AKAP17A: variants seen among roughly 807,000 people sequenced by gnomAD.
AKAP17A encodes the protein A-kinase anchoring protein 17A, also known as A-kinase anchor protein 17A.
AKAP17A carries 15 observed loss-of-function variants against 52.2 expected under a neutral mutation model. The observed-to-expected ratio is 0.29, with a 90% confidence interval of 0.19 to 0.44. The LOEUF is 0.44. Ranked by LOEUF, AKAP17A falls within the 20% of genes least tolerant of loss-of-function variation. The pLI, the probability that AKAP17A is intolerant of heterozygous loss-of-function variation, is 1.00. For synonymous variants in AKAP17A, 514 were observed against 424.7 expected (o/e 1.21, Z -2.58); for missense variants, 1,060 against 1,007.0 (o/e 1.05, Z -0.71).
In AKAP17A at chrX:1,593,938, T is replaced by C. The variant is rs1932887849; in HGVS notation, c.476T>C (p.Phe159Ser). The change falls in exon 2 of 5, where the codon TTC (phenylalanine) becomes TCC (serine). Residue 159 changes from phenylalanine to serine, a missense_variant. Transcript: ENST00000313871. ...IHLEGLPCKW[F>S]ALKESGSEKP... ...CTGGAGGGGCTGCCCTGCAAGTGGT[T>C]CGCCCTGAAGGAGTCGGGCTCCGAG... 6.2e-7 allele frequency: 1 copy of C among 1,609,804 alleles called. No homozygotes were observed. Among genetic ancestry groups the C allele is most frequent in the Admixed American group, 1.7e-5 (1 of 59,688 alleles).
rs1234507895 is a variant in AKAP17A at position 1,596,236 on chromosome X, A to AC, written c.911+704_911+705insC. ...GGTGATGGCCAGATTTAAAAAAAAAAAAAAAAACAAAAAACCAATGATAGG... is the reference window on the plus strand; with the variant it reads ...GGTGATGGCCAGATTTAAAAAAAAAACAAAAAAACAAAAAACCAATGATAGG... On this transcript the variant is annotated intron_variant, in intron 3 of 4. Transcript: ENST00000313871. Among the ~76,000 whole-genome samples, 100 of 142,612 alleles carry AC rather than the reference A, an allele frequency of 7.0e-4. No individual in the cohort carries two copies. The Middle Eastern group carries it at 0.031, about 44-fold the overall frequency. The allele number at this position is 142,612 out of a possible 152,430, so 93.6% of individuals were successfully genotyped here.
At chrX:1,598,105 C>T (rs1455520446) in intron 3 of AKAP17A, among the ~76,000 whole-genome samples, 1 of 152,308 alleles carries the variant, frequency 6.6e-6, no homozygotes, top group Non-Finnish European at 1.5e-5. Context: ...CTGAAAGCTG[C>T]CCAGCCTCGA....
chrX:1,601,248 G>C lies in AKAP17A; in HGVS notation c.1742G>C (p.Arg581Pro), dbSNP rs771071323. 5 of 1,613,688 alleles carry C rather than the reference G, an allele frequency of 3.1e-6. No individual in the cohort carries two copies. The highest frequency in any genetic ancestry group is 4.2e-6 in the Non-Finnish European group (5 of 1,179,720). The change falls in exon 5 of 5, where the codon CGG (arginine) becomes CCG (proline). Residue 581 changes from arginine (R) to proline (P), a missense_variant. Physicochemically the swap from Arg to Pro is moderately radical, Grantham distance 103. This residue lies in a region of AKAP17A where 793 missense variants were observed against 629.9 expected (regional missense o/e 1.26). Coordinates refer to ENST00000313871, the MANE Select transcript of AKAP17A (RefSeq NM_005088.3). ...CGGTCAGAACAGGACAAGTGCAACC[G>C]GGAGCCCAGCAAGGGCCGGGGCCGG... The part of the protein sequence containing the change: ...DTRSEQDKCN[R>P]EPSKGRGRAT...
chrX:1,593,311 G>A lies in AKAP17A; in HGVS notation c.-19-133G>A, dbSNP rs191451727. On this transcript the variant is annotated intron_variant, in intron 1 of 4. Coordinates refer to ENST00000313871, the MANE Select transcript of AKAP17A (RefSeq NM_005088.3). Reference sequence around the variant, plus strand: ...GATGGCTGTTAACAAAGTGGAAACCGGTCTCTGACACGGCAGAGAGACACT... The same window carrying A: ...GATGGCTGTTAACAAAGTGGAAACCAGTCTCTGACACGGCAGAGAGACACT... The A allele has an allele frequency of 2.8e-3, 2,446 of 869,858 alleles. 35 individuals carry two copies. In the African/African-American group the frequency reaches 0.035, roughly 13 times the overall value. 53.9% of individuals were successfully genotyped at this position (869,858 alleles called of 1,614,324 possible). A position where few individuals can be genotyped will look rare whatever the true frequency, so the allele number is the denominator to read the frequency against.
chrX:1,597,346 G>T (rs1178160451), intron 3 of AKAP17A, among the ~76,000 whole-genome samples: 2 of 152,202 alleles, frequency 1.3e-5, no homozygotes, highest in Admixed American at 1.3e-4. Flanking sequence ...TGCTGGGGGG[G>T]CCCATGTCAG....
chrX:1,597,695 G>A (rs1209168057), intron 3 of AKAP17A, among the ~76,000 whole-genome samples: 2 of 152,094 alleles, frequency 1.3e-5, no homozygotes, highest in Non-Finnish European at 2.9e-5. Context: ...TCAGAAAGCA[G>A]CTTGCGGGTG....
At chrX:1,600,563 A>T in intron 4 of AKAP17A, 96 bp from the exon 5 acceptor site, 1 of 1,243,470 alleles carries the variant, frequency 8.0e-7, no homozygotes, top group Non-Finnish European at 1.1e-6. Flanking sequence ...CTGCATCCCC[A>T]GACCATGGGG....
intron 4 of AKAP17A, 65 bp from the exon 5 acceptor site, chrX:1,600,594 T>G: frequency 2.1e-6 from 3 of 1,425,714 alleles, no homozygotes; most frequent in Non-Finnish European, 9.3e-7. Flanking sequence ...CCTTCCCAGC[T>G]CCTGTCCCAC....
intron 3 of AKAP17A, among the ~76,000 whole-genome samples, chrX:1,597,062 A>C (rs1423493550): frequency 5.3e-5 from 8 of 152,110 alleles, no homozygotes; most frequent in Non-Finnish European, 1.2e-4. Flanking sequence ...GGGCTCCTGG[A>C]CAGCCTCTGG....
intron 2 of AKAP17A, among the ~76,000 whole-genome samples, chrX:1,595,065 C>T (rs1395897417): frequency 6.6e-6 from 1 of 152,168 alleles, no homozygotes; most frequent in Non-Finnish European, 1.5e-5. Flanking sequence ...AGCCGGGTAG[C>T]GGAAGGGGAG....
Position 1,601,057 on chromosome X carries a change from C to T in AKAP17A, c.1551C>T (p.Ala517=), listed in dbSNP as rs142224814. 2.6e-4 allele frequency: 418 copies of T among 1,613,304 alleles called. No individual in the cohort carries two copies. Among genetic ancestry groups the T allele is most frequent in the Non-Finnish European group, 3.1e-4 (366 of 1,179,712 alleles). Reference sequence around the variant, plus strand: ...CCAAAAGCGTGAACGGGAGCGTGGCCGAGGAGGCCCCATGCAAGGAGGTTC... The same window carrying T: ...CCAAAAGCGTGAACGGGAGCGTGGCTGAGGAGGCCCCATGCAAGGAGGTTC... ...GAPKSVNGSV[A]EEAPCKEVQS... is the part of the protein sequence containing the mutation. The change falls in exon 5 of 5, where the codon GCC becomes GCT. Residue 517 remains alanine, a synonymous_variant. Transcript: ENST00000313871.
intron 3 of AKAP17A, among the ~76,000 whole-genome samples, chrX:1,597,807 C>G (rs1256899584): frequency 6.6e-6 from 1 of 151,986 alleles, no homozygotes; most frequent in Non-Finnish European, 1.5e-5. Flanking sequence ...CCTGGCCAGA[C>G]CACAGAGGGA....
intron 3 of AKAP17A, among the ~76,000 whole-genome samples, chrX:1,596,447 TCCATCCCTCCCACCCTCCTA>T: frequency 1.9e-5 from 2 of 107,568 alleles, no homozygotes; most frequent in East Asian, 2.7e-4. Flanking sequence ...CTCCTCCTCC[TCCATCCCTCCCACCCTCCTA>T]GTGAGGTGGA....
At chrX:1,591,798 C>G (rs1333229028) in intron 1 of AKAP17A, 29 bp downstream of exon 1, 1 of 150,188 alleles carries the variant, frequency 6.7e-6, no homozygotes, top group Non-Finnish European at 1.5e-5. Context: ...CCTCCCGGGC[C>G]TGGCTGCAGC....
At chrX:1,597,449 C>T (rs1333077674) in intron 3 of AKAP17A, among the ~76,000 whole-genome samples, 3 of 152,102 alleles carry the variant, frequency 2.0e-5, no homozygotes, top group African/African-American at 4.8e-5. Flanking sequence ...TCCTGGGAGG[C>T]GGTCCCTGGG....
chrX:1,598,819 C>T (rs1376187445), intron 3 of AKAP17A, among the ~76,000 whole-genome samples: 3 of 152,196 alleles, frequency 2.0e-5, no homozygotes, highest in Admixed American at 6.5e-5. Context: ...TCCTCCGCGC[C>T]GCTGTGCATC....
intron 4 of AKAP17A, chrX:1,600,016 G>C: frequency 1.8e-6 from 1 of 549,172 alleles, no homozygotes; most frequent in Non-Finnish European, 3.2e-6. Flanking sequence ...CCGGGGCCAG[G>C]GCCCACAGAC....
At chrX:1,597,369 C>G (rs1180822682) in intron 3 of AKAP17A, among the ~76,000 whole-genome samples, 1 of 152,172 alleles carries the variant, frequency 6.6e-6, no homozygotes, top group East Asian at 1.9e-4. Context: ...GTCAGGATTC[C>G]CAGGACCTAA....
intron 3 of AKAP17A, among the ~76,000 whole-genome samples, chrX:1,597,677 G>T (rs1254615091): frequency 7.1e-6 from 1 of 141,240 alleles, no homozygotes; most frequent in African/African-American, 2.6e-5. Flanking sequence ...GAGTGTCCCC[G>T]CAACATTTCA....
Sources: gnomAD v4.1 joint callset for allele counts (sites outside exome capture counted in the v4.1 genomes callset) on GRCh38, gnomAD v4.1.1 for gene constraint, gnomAD v4.1.1 regional missense constraint, MANE v1.5 for transcripts, NCBI Gene and HGNC (gene_info 2026-07-23, HGNC 2026-07-21) for gene names.